Variants in SAMD12 observed in about 807,000 individuals in gnomAD.
SAMD12 encodes sterile alpha motif domain containing 12, also known as sterile alpha motif domain-containing protein 12.
Under a neutral mutation model 15.0 loss-of-function variants are expected in SAMD12, and 9 were observed. The ratio of observed to expected loss-of-function variants is 0.60; its 90% CI spans 0.36 to 1.05. The LOEUF (loss-of-function observed/expected upper bound fraction) is 1.05. Among genes scored for constraint, SAMD12 ranks in the 50% least tolerant of loss-of-function variants. The probability of loss-of-function intolerance (pLI) is 0.01; values close to 1 mark genes in which losing one functional copy is unlikely to be tolerated. For missense variants in SAMD12, 230 were observed against 234.2 expected (o/e 0.98, Z 0.12); for synonymous variants, 86 against 90.1 (o/e 0.96, Z 0.25).
At chr8:118,302,360 G>A (rs577472118) in intron 4 of SAMD12, among the ~76,000 whole-genome samples, 166 of 152,276 alleles carry the variant, frequency 1.1e-3, no homozygotes, top group African/African-American at 3.8e-3. Context: ...TATGTACTGT[G>A]TGACATTAGC....
intron 2 of SAMD12, among the ~76,000 whole-genome samples, chr8:118,449,659 C>T (rs192769983): frequency 2.6e-5 from 4 of 151,420 alleles, no homozygotes; most frequent in South Asian, 2.1e-4. Flanking sequence ...ATTAGCTGGG[C>T]GCAGTGGCAG....
chr8:118,490,831 T>C (rs1417269256), intron 2 of SAMD12, among the ~76,000 whole-genome samples: 1 of 151,950 alleles, frequency 6.6e-6, no homozygotes, highest in Non-Finnish European at 1.5e-5. Context: ...TTGGCCAGAG[T>C]TTATCTGCAC....
At chr8:118,228,818 C>T (rs762745606) in intron 4 of SAMD12, among the ~76,000 whole-genome samples, 3 of 152,072 alleles carry the variant, frequency 2.0e-5, no homozygotes, top group Non-Finnish European at 2.9e-5. Context: ...AGTCATTATT[C>T]GAAAAAGATA....
chr8:118,534,510 T>C (rs1825783920), intron 2 of SAMD12, among the ~76,000 whole-genome samples: 1 of 152,360 alleles, frequency 6.6e-6, no homozygotes, highest in Middle Eastern at 3.4e-3. Context: ...GTTGGGGAAG[T>C]TCTCCTGGAT....
intron 4 of SAMD12, among the ~76,000 whole-genome samples, chr8:118,267,242 T>C (rs1400178597): frequency 6.6e-6 from 1 of 152,148 alleles, no homozygotes; most frequent in Non-Finnish European, 1.5e-5. Context: ...AAGGCATATA[T>C]ATACCCTATT....
chr8:118,495,540 T>C (rs2515052), intron 2 of SAMD12, among the ~76,000 whole-genome samples: 151,037 of 151,282 alleles, frequency 1, 75,403 homozygotes, highest in Middle Eastern at 1. Flanking sequence ...TAATCTTCAC[T>C]TAATTCATGT....
chr8:118,615,765 C>T (rs1025169101), intron 1 of SAMD12, among the ~76,000 whole-genome samples: 1 of 151,938 alleles, frequency 6.6e-6, no homozygotes. Context: ...TTCATTCAGG[C>T]GTGAGAAAAC....
At chr8:118,221,726 C>T (rs564099999) in intron 4 of SAMD12, among the ~76,000 whole-genome samples, 1 of 152,208 alleles carries the variant, frequency 6.6e-6, no homozygotes, top group East Asian at 1.9e-4. Context: ...GGGTGTGCCA[C>T]GGTCATAGTT....
chr8:118,560,396 G>A (rs1826669279), intron 2 of SAMD12, among the ~76,000 whole-genome samples: 1 of 152,184 alleles, frequency 6.6e-6, no homozygotes, highest in Non-Finnish European at 1.5e-5. Context: ...CTGTCTGAGA[G>A]TACGAATGAC....
At chr8:118,590,431 G>A (rs112395403) in intron 1 of SAMD12, among the ~76,000 whole-genome samples, 15 of 152,324 alleles carry the variant, frequency 9.8e-5, no homozygotes, top group African/African-American at 3.4e-4. Context: ...GAGATGATAT[G>A]GCAAGGCTGG....
intron 2 of SAMD12, among the ~76,000 whole-genome samples, chr8:118,550,771 A>AACCC (rs1826304928): frequency 1.3e-5 from 2 of 151,608 alleles, no homozygotes; most frequent in African/African-American, 4.9e-5. Context: ...AGTGTGTTGT[A>AACCC]TTCAGGAAAC....
intron 3 of SAMD12, among the ~76,000 whole-genome samples, chr8:118,423,816 C>A (rs1386260606): frequency 6.6e-6 from 1 of 152,112 alleles, no homozygotes; most frequent in African/African-American, 2.4e-5. Context: ...TAATACCAAC[C>A]TTAAAGGGTT....
At chr8:118,182,236 T>A in the SAMD12 span, among the ~76,000 whole-genome samples, 32 of 152,320 alleles carry the variant, frequency 2.1e-4, no homozygotes, top group African/African-American at 7.2e-4. Flanking sequence ...CATCTACAAC[T>A]TTTTCACCCC....
At chr8:118,144,902 G>T in the SAMD12 span, among the ~76,000 whole-genome samples, 1 of 152,224 alleles carries the variant, frequency 6.6e-6, no homozygotes, top group Non-Finnish European at 1.5e-5. Flanking sequence ...TTAGATGCCA[G>T]GGTTAGGTTA....
chr8:118,519,331 TG>T (rs1381376674), intron 2 of SAMD12, among the ~76,000 whole-genome samples: 1 of 152,252 alleles, frequency 6.6e-6, no homozygotes, highest in Admixed American at 6.5e-5. Context: ...CCAGGCATTT[TG>T]TCAGGCACTG....
chr8:118,524,585 G>C (rs546241732), intron 2 of SAMD12, among the ~76,000 whole-genome samples: 1 of 152,176 alleles, frequency 6.6e-6, no homozygotes, highest in African/African-American at 2.4e-5. Context: ...CCTGCGGCCT[G>C]GACTTCTCCC....
intron 2 of SAMD12, among the ~76,000 whole-genome samples, chr8:118,562,830 T>A (rs147595060): frequency 2.0e-5 from 3 of 152,274 alleles, no homozygotes; most frequent in African/African-American, 7.2e-5. Flanking sequence ...TGCCCTTTGA[T>A]GTAAATGGAG....
At chr8:118,435,955 G>A (rs1003030540) in intron 3 of SAMD12, among the ~76,000 whole-genome samples, 2 of 152,224 alleles carry the variant, frequency 1.3e-5, no homozygotes, top group Non-Finnish European at 2.9e-5. Context: ...CTTATCCACA[G>A]TGGTTAGGCA....
At chr8:118,411,426 G>A (rs1466444531) in intron 3 of SAMD12, among the ~76,000 whole-genome samples, 2 of 152,244 alleles carry the variant, frequency 1.3e-5, no homozygotes, top group East Asian at 3.9e-4. Flanking sequence ...AGGGTATGAC[G>A]ATGAAACTAC....
Sources: gnomAD v4.1 joint callset for allele counts (sites outside exome capture counted in the v4.1 genomes callset) on GRCh38, gnomAD v4.1.1 for gene constraint, MANE v1.5 for transcripts, NCBI Gene and HGNC (gene_info 2026-07-23, HGNC 2026-07-21) for gene names.